TBC1D5: variants seen among roughly 807,000 people sequenced by gnomAD.
The protein encoded by TBC1D5 is TBC1 domain family, member 5.
TBC1D5 carries 75 observed loss-of-function variants against 100.3 expected under a neutral mutation model. That is an observed-to-expected ratio of 0.75 (90% confidence interval 0.62 to 0.91). TBC1D5 has a LOEUF of 0.91. Ranked by LOEUF, TBC1D5 falls within the 40% of genes least tolerant of loss-of-function variation. The probability of loss-of-function intolerance (pLI) is 0.00; values close to 1 mark genes in which losing one functional copy is unlikely to be tolerated. For missense variants in TBC1D5, 910 were observed against 942.4 expected (o/e 0.97, Z 0.45); for synonymous variants, 323 against 325.6 (o/e 0.99, Z 0.09).
chr3:17,737,018 A>T (rs1007722995), intron 1 of TBC1D5, among the ~76,000 whole-genome samples: 8 of 151,812 alleles, frequency 5.3e-5, no homozygotes, highest in Admixed American at 2.0e-4. Flanking sequence ...GTCTCAATTT[A>T]AAAAAAAGAC....
At chr3:17,436,033 T>C (rs959646672) in intron 3 of TBC1D5, among the ~76,000 whole-genome samples, 3 of 152,188 alleles carry the variant, frequency 2.0e-5, no homozygotes, top group African/African-American at 7.2e-5. Flanking sequence ...AAAGTGCTTT[T>C]AGCTTTTAAG....
intron 2 of TBC1D5, among the ~76,000 whole-genome samples, chr3:17,591,348 G>C (rs1258134025): frequency 7.0e-6 from 1 of 142,478 alleles, no homozygotes; most frequent in Admixed American, 7.3e-5. Flanking sequence ...TTGAATGAAA[G>C]CAAGGCCAGG....
At chr3:17,191,778 G>A (rs147638714) in intron 18 of TBC1D5, among the ~76,000 whole-genome samples, 161 of 150,534 alleles carry the variant, frequency 1.1e-3, no homozygotes, top group African/African-American at 2.8e-3. Flanking sequence ...TACCACACCC[G>A]GCTTTTTTTT....
intron 15 of TBC1D5, among the ~76,000 whole-genome samples, chr3:17,262,140 G>A (rs116222402): frequency 3.3e-5 from 5 of 152,236 alleles, no homozygotes; most frequent in African/African-American, 9.6e-5. Context: ...TTTCATCATT[G>A]TGTGAGCATC....
At chr3:17,725,466 T>C (rs929839695) in intron 1 of TBC1D5, among the ~76,000 whole-genome samples, 3 of 152,240 alleles carry the variant, frequency 2.0e-5, no homozygotes, top group African/African-American at 2.4e-5. Context: ...GTTTTAATTT[T>C]GGTTCGCTCA....
At chr3:17,374,594 TA>T (rs769746924) in intron 11 of TBC1D5, 34 bp downstream of exon 11, 8 of 1,609,526 alleles carry the variant, frequency 5.0e-6, no homozygotes, top group African/African-American at 1.3e-5. Flanking sequence ...AATGATGGTA[TA>T]AAAAAATAAA....
Position 17,206,434 on chromosome 3 carries a change from A to G in TBC1D5, c.1752+7773T>C, listed in dbSNP as rs187646204. On this transcript the variant is annotated intron_variant, in intron 18 of 21. Coordinates refer to ENST00000253692, the Ensembl canonical transcript of TBC1D5. ...TAATTTCTAGATCATGGCCTGAAAT[A>G]GGTTAGGCAATTCTCCAGTTTTCTA... Among the ~76,000 whole-genome samples the G allele has an allele frequency of 2.6e-3, 390 of 152,334 alleles. 5 individuals are homozygous for G. The highest frequency in any genetic ancestry group is 1.4e-3 in the East Asian group (7 of 5,184).
intron 1 of TBC1D5, among the ~76,000 whole-genome samples, chr3:17,718,556 C>A (rs2075430941): frequency 6.6e-6 from 1 of 152,148 alleles, no homozygotes; most frequent in African/African-American, 2.4e-5. Context: ...GAGATCGCGC[C>A]ACTGCACTCC....
At chr3:17,177,783 T>G (rs1472568670) in intron 19 of TBC1D5, among the ~76,000 whole-genome samples, 1 of 152,188 alleles carries the variant, frequency 6.6e-6, no homozygotes, top group Non-Finnish European at 1.5e-5. Context: ...TAGGTGTATA[T>G]ATTTTTGGGT....
At chr3:17,348,916 G>C (rs2090232264) in intron 13 of TBC1D5, among the ~76,000 whole-genome samples, 1 of 152,048 alleles carries the variant, frequency 6.6e-6, no homozygotes, top group African/African-American at 2.4e-5. Flanking sequence ...TTGGTTATTA[G>C]GAATAGACAA....
At chr3:17,174,751 G>T (rs554373071) in intron 19 of TBC1D5, among the ~76,000 whole-genome samples, 2 of 152,118 alleles carry the variant, frequency 1.3e-5, no homozygotes, top group Non-Finnish European at 2.9e-5. Flanking sequence ...GTGCTACCAT[G>T]CCTGGCTAAT....
intron 17 of TBC1D5, among the ~76,000 whole-genome samples, chr3:17,224,683 C>A (rs2074657540): frequency 6.6e-6 from 1 of 152,114 alleles, no homozygotes; most frequent in African/African-American, 2.4e-5. Flanking sequence ...TGGGAGAAAT[C>A]TTTAGAATAC....
intron 2 of TBC1D5, among the ~76,000 whole-genome samples, chr3:17,571,979 A>G (rs1392898582): frequency 6.6e-6 from 1 of 151,962 alleles, no homozygotes; most frequent in Non-Finnish European, 1.5e-5. Flanking sequence ...CTGCCAACAC[A>G]AGGCATCTCT....
chr3:17,525,484 C>T (rs1467987891), intron 2 of TBC1D5, among the ~76,000 whole-genome samples: 1 of 152,106 alleles, frequency 6.6e-6, no homozygotes, highest in Non-Finnish European at 1.5e-5. Context: ...ATGACTTGCT[C>T]CAGTTCCTAC....
intron 17 of TBC1D5, among the ~76,000 whole-genome samples, chr3:17,226,086 C>G (rs1033194884): frequency 1.3e-5 from 2 of 151,194 alleles, no homozygotes; most frequent in Non-Finnish European, 2.9e-5. Context: ...AGCCCAGGTA[C>G]CTGGAGTAGT....
intron 18 of TBC1D5, among the ~76,000 whole-genome samples, chr3:17,203,223 A>ACTGCC (rs1294364527): frequency 1.3e-5 from 2 of 152,190 alleles, no homozygotes; most frequent in Non-Finnish European, 2.9e-5. Context: ...AGATTTAATG[A>ACTGCC]CTGCCCTGCT....
At chr3:17,455,311 A>ACATATATACAT (rs1559923375) in intron 3 of TBC1D5, among the ~76,000 whole-genome samples, 1 of 131,332 alleles carries the variant, frequency 7.6e-6, no homozygotes, top group African/African-American at 3.4e-5. Context: ...TATATATGTA[A>ACATATATACAT]ATATGTGTAT....
chr3:17,216,570 A>G (rs1425742305), intron 17 of TBC1D5, among the ~76,000 whole-genome samples: 1 of 152,144 alleles, frequency 6.6e-6, no homozygotes, highest in Non-Finnish European at 1.5e-5. Flanking sequence ...AGGAAAGAGT[A>G]GAGAACAGGC....
At chr3:17,399,665 C>T (rs943383862) in intron 8 of TBC1D5, among the ~76,000 whole-genome samples, 5 of 152,066 alleles carry the variant, frequency 3.3e-5, no homozygotes, top group African/African-American at 9.7e-5. Context: ...CAATGTCCTC[C>T]AAAAGCTTCC....
Sources: allele counts gnomAD v4.1 joint callset (sites outside exome capture counted in the v4.1 genomes callset), GRCh38; gene constraint gnomAD v4.1.1; transcripts MANE v1.5; gene names NCBI Gene and HGNC (gene_info 2026-07-23, HGNC 2026-07-21).